Variants in FSTL5 observed in about 807,000 individuals in gnomAD.
The protein encoded by FSTL5 is follistatin like 5, also known as follistatin-related protein 5.
Under a neutral mutation model 89.1 loss-of-function variants are expected in FSTL5, and 62 were observed. The ratio of observed to expected loss-of-function variants is 0.70; its 90% CI spans 0.57 to 0.86. The LOEUF is 0.86. Among genes scored for constraint, FSTL5 ranks in the 40% least tolerant of loss-of-function variants. The pLI is 0.00. For synonymous variants in FSTL5, 383 were observed against 346.2 expected (o/e 1.11, Z -1.18); for missense variants, 1,057 against 1,001.6 (o/e 1.06, Z -0.75).
intron 12 of FSTL5, among the ~76,000 whole-genome samples, chr4:161,497,004 A>C (rs1222078777): frequency 6.6e-6 from 1 of 152,176 alleles, no homozygotes. Context: ...TGGAATTAGA[A>C]ATATATTATT....
At chr4:161,633,217 T>C (rs1202305389) in intron 7 of FSTL5, among the ~76,000 whole-genome samples, 2 of 151,206 alleles carry the variant, frequency 1.3e-5, no homozygotes, top group Non-Finnish European at 2.9e-5. Context: ...ATACTTAATT[T>C]TATTACTAAA....
At chr4:161,649,780 T>C (rs773597015) in intron 7 of FSTL5, among the ~76,000 whole-genome samples, 2 of 152,184 alleles carry the variant, frequency 1.3e-5, no homozygotes, top group African/African-American at 2.4e-5. Context: ...ATGCCAGAGA[T>C]CTATAAATGG....
At chr4:161,442,758 C>T (rs1045510810) in intron 15 of FSTL5, among the ~76,000 whole-genome samples, 2 of 151,938 alleles carry the variant, frequency 1.3e-5, no homozygotes, top group African/African-American at 2.4e-5. Context: ...TCATTGTGTG[C>T]CAGGAACTGT....
intron 12 of FSTL5, among the ~76,000 whole-genome samples, chr4:161,491,797 G>A (rs919385821): frequency 6.7e-6 from 1 of 150,070 alleles, no homozygotes; most frequent in Non-Finnish European, 1.5e-5. Flanking sequence ...TTGAGAACAT[G>A]CCACTGAAAT....
chr4:161,721,743 GAAA>G (rs1739226734), intron 6 of FSTL5, among the ~76,000 whole-genome samples: 1 of 152,120 alleles, frequency 6.6e-6, no homozygotes, highest in Admixed American at 6.5e-5. Flanking sequence ...TTAAGTGAGA[GAAA>G]AAATTAAAGT....
intron 4 of FSTL5, among the ~76,000 whole-genome samples, chr4:161,844,645 T>C (rs540798929): frequency 6.6e-6 from 1 of 152,186 alleles, no homozygotes; most frequent in Admixed American, 6.6e-5. Flanking sequence ...TGCAGGGACA[T>C]GGATGAAGCT....
chr4:162,035,372 T>C (rs1276311696), intron 2 of FSTL5: 1 of 152,092 alleles, frequency 6.6e-6, no homozygotes, highest in Admixed American at 6.6e-5. Context: ...CAGGGATAAA[T>C]TGATTTTTGA....
intron 2 of FSTL5, among the ~76,000 whole-genome samples, chr4:162,083,228 A>C (rs747501012): frequency 6.6e-6 from 1 of 151,836 alleles, no homozygotes; most frequent in Non-Finnish European, 1.5e-5. Context: ...AAACATGCAG[A>C]GAACATACAA....
At chr4:161,495,578 C>T (rs1313742174) in intron 12 of FSTL5, 1 of 152,074 alleles carries the variant, frequency 6.6e-6, no homozygotes, top group African/African-American at 2.4e-5. Flanking sequence ...TATATCCTCA[C>T]CAACTCACTA....
At chr4:161,783,659 CTTTCTCTTTCTTTCTTTCTCTT>C (rs1475901366) in intron 4 of FSTL5, among the ~76,000 whole-genome samples, 1 of 78,390 alleles carries the variant, frequency 1.3e-5, no homozygotes, top group South Asian at 5.6e-4. Context: ...CTCTTTCTTT[CTTTCTCTTTCTTTCTTTCTCTT>C]TCTTTCTTTC....
chr4:161,809,618 G>A (rs1730078743), intron 4 of FSTL5, among the ~76,000 whole-genome samples: 1 of 152,150 alleles, frequency 6.6e-6, no homozygotes, highest in Admixed American at 6.5e-5. Flanking sequence ...AACAAAATGT[G>A]GTATATGCAT....
chr4:162,043,591 A>C (rs1333461375), intron 2 of FSTL5, among the ~76,000 whole-genome samples: 1 of 152,136 alleles, frequency 6.6e-6, no homozygotes, highest in African/African-American at 2.4e-5. Flanking sequence ...TAAAAAAAAA[A>C]TGAAGTTTGC....
chr4:161,658,812 T>A (rs1423471739), intron 6 of FSTL5, among the ~76,000 whole-genome samples: 2 of 152,170 alleles, frequency 1.3e-5, no homozygotes, highest in Non-Finnish European at 2.9e-5. Context: ...ATTCCTGAAT[T>A]TCAGCTTCTG....
intron 4 of FSTL5, among the ~76,000 whole-genome samples, chr4:161,881,053 AT>A (rs1732612532): frequency 6.6e-6 from 1 of 151,924 alleles, no homozygotes; most frequent in Non-Finnish European, 1.5e-5. Flanking sequence ...AATGTAAAAA[AT>A]CATCTCTAGG....
chr4:161,722,492 C>A (rs1201970412), intron 6 of FSTL5, among the ~76,000 whole-genome samples: 1 of 152,066 alleles, frequency 6.6e-6, no homozygotes, highest in Non-Finnish European at 1.5e-5. Context: ...GCTCACATTT[C>A]CTATATCTTC....
At chr4:161,908,068 G>T (rs1733586746) in intron 4 of FSTL5, among the ~76,000 whole-genome samples, 1 of 151,916 alleles carries the variant, frequency 6.6e-6, no homozygotes, top group African/African-American at 2.4e-5. Flanking sequence ...GACATAGAAT[G>T]ATTTCAATGT....
chr4:162,077,213 A>C (rs1392459640), intron 2 of FSTL5, among the ~76,000 whole-genome samples: 1 of 151,704 alleles, frequency 6.6e-6, no homozygotes, highest in Non-Finnish European at 1.5e-5. Context: ...AGGGCAAGAG[A>C]GTGAGGGAGA....
chr4:162,113,827 A>C (rs1386409308), intron 1 of FSTL5, among the ~76,000 whole-genome samples: 2 of 152,164 alleles, frequency 1.3e-5, no homozygotes, highest in Non-Finnish European at 2.9e-5. Context: ...TTAGTTACGC[A>C]TTCCCATAGA....
chr4:161,644,430 G>A lies in FSTL5; in HGVS notation c.894+11898C>T, dbSNP rs185142290. Among the ~76,000 whole-genome samples the A allele has an allele frequency of 6.0e-3, 912 of 152,098 alleles. 9 individuals carry two copies. Among genetic ancestry groups the A allele is most frequent in the South Asian group, 0.046 (220 of 4,828 alleles). On this transcript the variant is annotated intron_variant, in intron 7 of 15. Transcript: ENST00000306100. ...AATCCTAGCTACTCTGGAGGCTGAG[G>A]CAGGAGAATCACTTGAACTCGGGAG...
Sources: gnomAD v4.1 joint callset for allele counts (sites outside exome capture counted in the v4.1 genomes callset) on GRCh38, gnomAD v4.1.1 for gene constraint, MANE v1.5 for transcripts, NCBI Gene and HGNC (gene_info 2026-07-23, HGNC 2026-07-21) for gene names.